NARS2: variants seen among roughly 807,000 people sequenced by gnomAD.
The protein encoded by NARS2 is asparaginyl-tRNA synthetase 2, mitochondrial, also known as asparaginyl-tRNA synthetase.
NARS2 carries 60 observed loss-of-function variants against 62.9 expected under a neutral mutation model. That is an observed-to-expected ratio of 0.95 (90% confidence interval 0.77 to 1.18). The LOEUF (loss-of-function observed/expected upper bound fraction) is 1.18, where lower values mean the gene tolerates loss of function less well. NARS2 is among the 50% of genes most tolerant of loss of function. The probability of loss-of-function intolerance (pLI) is 0.00; values close to 1 mark genes in which losing one functional copy is unlikely to be tolerated. For missense variants in NARS2, 619 were observed against 576.4 expected (o/e 1.07, Z -0.76); for synonymous variants, 196 against 200.0 (o/e 0.98, Z 0.17).
chr11:78,562,722 G>C (rs1419194692), intron 4 of NARS2, among the ~76,000 whole-genome samples: 1 of 152,186 alleles, frequency 6.6e-6, no homozygotes, highest in African/African-American at 2.4e-5. Context: ...AAATAGCCAA[G>C]TTTTAGTACA....
chr11:78,551,140 G>T (rs191969442), intron 5 of NARS2, among the ~76,000 whole-genome samples: 80 of 152,300 alleles, frequency 5.3e-4, no homozygotes, highest in Middle Eastern at 6.8e-3. Context: ...AGACCGTGGT[G>T]ATTGGCTGTA....
intron 5 of NARS2, among the ~76,000 whole-genome samples, chr11:78,542,661 C>T (rs778953228): frequency 2.0e-5 from 3 of 152,238 alleles, no homozygotes; most frequent in South Asian, 2.1e-4. Context: ...CCCAGCACTT[C>T]GGTGGGGTGG....
At chr11:78,452,421 T>C (rs1309328303) in intron 11 of NARS2, among the ~76,000 whole-genome samples, 1 of 151,924 alleles carries the variant, frequency 6.6e-6, no homozygotes, top group Non-Finnish European at 1.5e-5. Context: ...TTTTTTTTTA[T>C]TTTTGAGACA....
At chr11:78,564,954 C>T (rs1291304253) in intron 4 of NARS2, among the ~76,000 whole-genome samples, 1 of 152,200 alleles carries the variant, frequency 6.6e-6, no homozygotes, top group African/African-American at 2.4e-5. Context: ...AATTTGGATA[C>T]AGCCCAAGGG....
Position 78,574,410 on chromosome 11 carries a change from T to C in NARS2, c.79A>G (p.Lys27Glu). 1 of 1,614,196 alleles carries C rather than the reference T, an allele frequency of 6.2e-7. No homozygotes were observed. The change falls in exon 1 of 14, where the codon AAA becomes GAA. Residue 27 changes from lysine (K) to glutamate (E), a missense_variant. Physicochemically the swap from Lys to Glu is moderately conservative, Grantham distance 56. Transcript: ENST00000281038. ...CCGAGAGCGTCCCGCACGCTCAGTT[T>C]GGCTGAAGGTTTGTGCTTGGGGAAG... The part of the protein sequence containing the change: ...APFPKHKPSA[K>E]LSVRDALGAQ...
At chr11:78,449,557 C>T (rs1273051436) in intron 11 of NARS2, among the ~76,000 whole-genome samples, 2 of 152,116 alleles carry the variant, frequency 1.3e-5, no homozygotes, top group African/African-American at 4.8e-5. Context: ...ACAACTATTG[C>T]TGCACTTAGT....
chr11:78,449,489 A>T (rs1006655171), intron 11 of NARS2, among the ~76,000 whole-genome samples: 4 of 151,894 alleles, frequency 2.6e-5, no homozygotes, highest in African/African-American at 9.7e-5. Flanking sequence ...TAAAAAAAAA[A>T]ATTTTTTTTT....
intron 9 of NARS2, among the ~76,000 whole-genome samples, chr11:78,477,026 G>A (rs1479021318): frequency 6.6e-6 from 1 of 152,276 alleles, no homozygotes; most frequent in East Asian, 1.9e-4. Context: ...GATAAAATGA[G>A]CTACTGATGT....
At chr11:78,554,508 C>CGTGT (rs71046981) in intron 5 of NARS2, among the ~76,000 whole-genome samples, 1,757 of 147,012 alleles carry the variant, frequency 0.012, 29 homozygotes, top group African/African-American at 0.042. Flanking sequence ...GGCGTGTGTG[C>CGTGT]GTGTGTGTGT....
intron 2 of NARS2, 128 bp downstream of exon 2, chr11:78,571,207 A>G (rs1856909456): frequency 1.6e-6 from 1 of 610,448 alleles, no homozygotes; most frequent in African/African-American, 1.8e-5. Context: ...TTGATCCTCA[A>G]AGCTATTAAA....
intron 9 of NARS2, among the ~76,000 whole-genome samples, chr11:78,474,799 T>C (rs1467372816): frequency 6.6e-6 from 1 of 152,214 alleles, no homozygotes; most frequent in Non-Finnish European, 1.5e-5. Context: ...TGTCTGAATT[T>C]TTAATTGACA....
intron 7 of NARS2, among the ~76,000 whole-genome samples, chr11:78,483,849 T>C (rs536051804): frequency 1.1e-4 from 16 of 152,290 alleles, no homozygotes; most frequent in African/African-American, 3.6e-4. Flanking sequence ...GCTATTCCCA[T>C]CAAGCTACCA....
At chr11:78,529,489 C>A (rs1275732333) in intron 5 of NARS2, among the ~76,000 whole-genome samples, 1 of 152,066 alleles carries the variant, frequency 6.6e-6, no homozygotes, top group Non-Finnish European at 1.5e-5. Flanking sequence ...TTAAAAGATA[C>A]ACTGAGCAAC....
At chr11:78,440,857 A>C (rs1857556672) in intron 13 of NARS2, among the ~76,000 whole-genome samples, 1 of 152,168 alleles carries the variant, frequency 6.6e-6, no homozygotes, top group Non-Finnish European at 1.5e-5. Context: ...TTTTAACATA[A>C]TTATCTGGCA....
At chr11:78,467,481 T>C (rs1044092237) in intron 10 of NARS2, among the ~76,000 whole-genome samples, 1 of 152,078 alleles carries the variant, frequency 6.6e-6, no homozygotes, top group African/African-American at 2.4e-5. Context: ...GAATCTGCAG[T>C]GAGCCATGTT....
intron 7 of NARS2, among the ~76,000 whole-genome samples, chr11:78,485,799 C>A (rs1430369836): frequency 6.6e-6 from 1 of 152,160 alleles, no homozygotes; most frequent in African/African-American, 2.4e-5. Context: ...CAAGAGAAGA[C>A]CTACTTCTCC....
intron 1 of NARS2, 150 bp downstream of exon 1, chr11:78,574,198 T>C (rs1857031884): frequency 3.2e-6 from 3 of 949,800 alleles, no homozygotes; most frequent in East Asian, 2.4e-5. Context: ...GTAATGGAAA[T>C]CAGAAAAGTG....
intron 4 of NARS2, among the ~76,000 whole-genome samples, chr11:78,563,157 T>C (rs1856609753): frequency 6.6e-6 from 1 of 152,116 alleles, no homozygotes. Context: ...AAGTGTCTAT[T>C]TTTGTAACTA....
At chr11:78,547,041 C>T (rs982924765) in intron 5 of NARS2, among the ~76,000 whole-genome samples, 1 of 152,154 alleles carries the variant, frequency 6.6e-6, no homozygotes, top group Non-Finnish European at 1.5e-5. Flanking sequence ...AAACACTATA[C>T]ATTTCGTGGC....
Sources: gnomAD v4.1 joint callset for allele counts (sites outside exome capture counted in the v4.1 genomes callset) on GRCh38, gnomAD v4.1.1 for gene constraint, MANE v1.5 for transcripts, NCBI Gene and HGNC (gene_info 2026-07-23, HGNC 2026-07-21) for gene names.